LRRTM4: variants seen among roughly 807,000 people sequenced by gnomAD.
LRRTM4 encodes the protein leucine rich repeat transmembrane neuronal 4.
In LRRTM4, 25 loss-of-function variants were observed where a neutral mutation model predicts 47.6. The ratio of observed to expected loss-of-function variants is 0.53; its 90% confidence interval spans 0.38 to 0.73. The LOEUF (loss-of-function observed/expected upper bound fraction) is 0.73. LRRTM4 is among the 30% of genes least tolerant of loss of function. The probability of loss-of-function intolerance (pLI) is 0.00; values close to 1 mark genes in which losing one functional copy is unlikely to be tolerated. For synonymous variants in LRRTM4, 311 were observed against 269.5 expected (o/e 1.15, Z -1.51); for missense variants, 638 against 713.4 (o/e 0.89, Z 1.20).
intron 3 of LRRTM4, among the ~76,000 whole-genome samples, chr2:77,032,549 TA>T (rs1678699408): frequency 6.6e-6 from 1 of 152,096 alleles, no homozygotes; most frequent in African/African-American, 2.4e-5. Flanking sequence ...AATAATTGAA[TA>T]AATAATTGAA....
chr2:77,422,533 A>G (rs947872524), intron 3 of LRRTM4, among the ~76,000 whole-genome samples: 1 of 152,224 alleles, frequency 6.6e-6, no homozygotes. Flanking sequence ...CACATCAACC[A>G]TTTGCAAGAG....
intron 3 of LRRTM4, among the ~76,000 whole-genome samples, chr2:77,190,883 T>G (rs1673651354): frequency 6.6e-6 from 1 of 152,162 alleles, no homozygotes; most frequent in Admixed American, 6.6e-5. Flanking sequence ...ACTATGGCAG[T>G]GTGTAGCAGA....
chr2:76,753,463 T>C (rs1331951250), intron 3 of LRRTM4, among the ~76,000 whole-genome samples: 1 of 152,204 alleles, frequency 6.6e-6, no homozygotes, highest in Non-Finnish European at 1.5e-5. Context: ...AGTCCTATTT[T>C]CTGTGCTAAG....
chr2:76,795,308 G>A (rs997550303), intron 3 of LRRTM4, among the ~76,000 whole-genome samples: 2 of 151,996 alleles, frequency 1.3e-5, no homozygotes, highest in Non-Finnish European at 2.9e-5. Context: ...ATCTTGTTTT[G>A]AAATATATAT....
At chr2:77,255,335 C>T (rs1402793166) in intron 3 of LRRTM4, among the ~76,000 whole-genome samples, 3 of 151,936 alleles carry the variant, frequency 2.0e-5, no homozygotes, top group Non-Finnish European at 4.4e-5. Context: ...TTCTTCCACT[C>T]CCATCTCTCA....
chr2:76,777,598 C>T (rs1310900219), intron 3 of LRRTM4, among the ~76,000 whole-genome samples: 18 of 147,166 alleles, frequency 1.2e-4, no homozygotes, highest in South Asian at 4.5e-4. Flanking sequence ...GTGATTTTTG[C>T]ACATTGATTT....
chr2:76,838,738 G>C (rs1671588780), intron 3 of LRRTM4, among the ~76,000 whole-genome samples: 1 of 151,978 alleles, frequency 6.6e-6, no homozygotes, highest in Non-Finnish European at 1.5e-5. Flanking sequence ...GTGTTATTTG[G>C]ATGAAATGAT....
At chr2:77,361,281 T>C (rs777377567) in intron 3 of LRRTM4, among the ~76,000 whole-genome samples, 23 of 152,014 alleles carry the variant, frequency 1.5e-4, no homozygotes, top group Non-Finnish European at 2.6e-4. Flanking sequence ...TTCCTCCTTT[T>C]GCCACTGGTA....
At chr2:77,203,043 T>A (rs950836525) in intron 3 of LRRTM4, among the ~76,000 whole-genome samples, 2 of 151,988 alleles carry the variant, frequency 1.3e-5, no homozygotes, top group African/African-American at 4.8e-5. Context: ...GTGAATTTGA[T>A]AATTTTGCAA....
chr2:77,419,108 AT>A (rs1190971472), intron 3 of LRRTM4, among the ~76,000 whole-genome samples: 2 of 152,186 alleles, frequency 1.3e-5, no homozygotes, highest in Non-Finnish European at 2.9e-5. Context: ...GACACAATAA[AT>A]ATTTGTTGCA....
At chr2:77,067,243 T>G (rs1000912952) in intron 3 of LRRTM4, among the ~76,000 whole-genome samples, 1 of 152,130 alleles carries the variant, frequency 6.6e-6, no homozygotes, top group African/African-American at 2.4e-5. Flanking sequence ...GGACAACATG[T>G]AAAGCACTTT....
intron 3 of LRRTM4, among the ~76,000 whole-genome samples, chr2:77,027,543 TATAGAAGCATTTTAATATCTTAA>T (rs1678497410): frequency 6.6e-6 from 1 of 152,110 alleles, no homozygotes; most frequent in Admixed American, 6.6e-5. Flanking sequence ...TACCAATCAG[TATAGAAGCATTTTAATATCTTAA>T]CAAATGGCAT....
intron 3 of LRRTM4, among the ~76,000 whole-genome samples, chr2:76,808,355 T>C (rs781411661): frequency 3.9e-5 from 6 of 152,008 alleles, no homozygotes; most frequent in Non-Finnish European, 8.8e-5. Context: ...TTTACTTTCA[T>C]TTAAAAATTA....
intron 3 of LRRTM4, among the ~76,000 whole-genome samples, chr2:76,781,107 C>T (rs1383180934): frequency 6.6e-6 from 1 of 152,256 alleles, no homozygotes; most frequent in Non-Finnish European, 1.5e-5. Context: ...GCAGTCTGCC[C>T]ATTCTCAGAT....
At chr2:76,935,673 T>C (rs1376728427) in intron 3 of LRRTM4, among the ~76,000 whole-genome samples, 1 of 152,234 alleles carries the variant, frequency 6.6e-6, no homozygotes, top group African/African-American at 2.4e-5. Flanking sequence ...GGAATGTTTA[T>C]GATTTTTGTA....
At chr2:76,794,627 C>G (rs1049151033) in intron 3 of LRRTM4, among the ~76,000 whole-genome samples, 1 of 152,138 alleles carries the variant, frequency 6.6e-6, no homozygotes, top group African/African-American at 2.4e-5. Context: ...ATAATTTTAT[C>G]TGTTTTCCTA....
At chr2:76,913,711 G>T (rs1028648076) in intron 3 of LRRTM4, among the ~76,000 whole-genome samples, 5 of 151,666 alleles carry the variant, frequency 3.3e-5, no homozygotes, top group African/African-American at 7.3e-5. Flanking sequence ...GCTAATTTTT[G>T]TATTTTCATT....
At chr2:76,771,609 G>C (rs1182626101) in intron 3 of LRRTM4, among the ~76,000 whole-genome samples, 2 of 148,128 alleles carry the variant, frequency 1.4e-5, no homozygotes. Context: ...AGAAGACTGC[G>C]TGCTGTACCT....
chr2:77,194,104 G>A (rs1673750169), intron 3 of LRRTM4, among the ~76,000 whole-genome samples: 1 of 152,140 alleles, frequency 6.6e-6, no homozygotes. Context: ...CTGGGGCCGA[G>A]TGATGCTTGT....
Sources: gnomAD v4.1 joint callset for allele counts (sites outside exome capture counted in the v4.1 genomes callset) on GRCh38, gnomAD v4.1.1 for gene constraint, MANE v1.5 for transcripts, NCBI Gene and HGNC (gene_info 2026-07-23, HGNC 2026-07-21) for gene names.